Variants in MYH6 observed in about 807,000 individuals in gnomAD.
MYH6 encodes the protein myosin heavy chain 6, also known as myosin-6.
Under a neutral mutation model 223.2 loss-of-function variants are expected in MYH6, and 126 were observed. The ratio of observed to expected loss-of-function variants is 0.56; its 90% CI spans 0.49 to 0.65. The LOEUF (loss-of-function observed/expected upper bound fraction) is 0.65. MYH6 is among the 30% of genes least tolerant of loss of function. The pLI is 0.00. For synonymous variants in MYH6, 978 were observed against 1,010.2 expected (o/e 0.97, Z 0.61); for missense variants, 2,040 against 2,536.4 (o/e 0.80, Z 4.20).
chr14:23,390,003 G>A, intron 26 of MYH6, 54 bp downstream of exon 26: 1 of 1,613,272 alleles, frequency 6.2e-7, no homozygotes, highest in Non-Finnish European at 8.5e-7. Context: ...AGAAGGCATG[G>A]GGGAGGCTCC....
At position 23,397,078 on chromosome 14, in the gene MYH6, C is replaced by T. The variant is rs770861495; in HGVS notation, c.2053G>A (p.Val685Met). The T allele has an allele frequency of 6.2e-7, 1 of 1,614,224 alleles. No individual in the cohort carries two copies. Among genetic ancestry groups the T allele is most frequent in the Admixed American group, 1.7e-5 (1 of 60,036 alleles). ...TGCATGACCAGGGGGTTGTCCATCA[C>T]CCCTGTGTCAGGAGGGAAGGGGAAA... ...IIPNERKAPG[V>M]MDNPLVMHQL... The change falls in exon 18 of 39, where the codon GTG becomes ATG. Residue 685 changes from valine (V) to methionine (M), a missense_variant and splice_region_variant. Coordinates refer to ENST00000405093, the MANE Select transcript of MYH6 (RefSeq NM_002471.4).
Position 23,386,021 on chromosome 14 carries a change from C to T in MYH6, c.5070G>A (p.Leu1690=). The T allele has an allele frequency of 6.2e-7, 1 of 1,614,220 alleles. No individual in the cohort carries two copies. The highest frequency in any genetic ancestry group is 1.1e-5 in the South Asian group (1 of 91,088). Residue 1690 remains leucine (L), a synonymous_variant, in exon 34 of 39, where the codon CTG becomes CTA. Coordinates refer to ENST00000405093, the MANE Select transcript of MYH6 (RefSeq NM_002471.4). The part of the protein sequence containing the change: ...NNLLQAELEE[L]RAVVEQTERS... ...GCTCTGTCTGCTCCACCACGGCACGCAGCTCCTCCAGCTCAGCCTGCAGCA... is the reference window on the plus strand; with the variant it reads ...GCTCTGTCTGCTCCACCACGGCACGTAGCTCCTCCAGCTCAGCCTGCAGCA...
chr14:23,387,812 C>T lies in MYH6; in HGVS notation c.4471G>A (p.Glu1491Lys), dbSNP rs1314169075. 7.4e-6 allele frequency: 12 copies of T among 1,614,100 alleles called. No homozygotes were observed. Among genetic ancestry groups the T allele is most frequent in the South Asian group, 3.3e-5 (3 of 91,076 alleles). The change falls in exon 31 of 39, where the codon GAG (glutamate) becomes AAG (lysine). Residue 1491 changes from glutamate to lysine, a missense_variant. By Grantham distance (56) the Glu-to-Lys change is moderately conservative. Transcript: ENST00000405093. ...GTCTCTAGGTGCTCCAGGGACTCCT[C>T]GTAGGCGTTCTTGAGCTTGAAGAGC... ...TELFKLKNAY[E>K]ESLEHLETFK...
In MYH6 at chr14:23,398,759, A is replaced by G. The variant is rs562851085; in HGVS notation, c.1860T>C (p.Thr620=). 1.2e-6 allele frequency: 2 copies of G among 1,614,144 alleles called. No homozygotes were observed. Among genetic ancestry groups the G allele is most frequent in the Non-Finnish European group, 1.7e-6 (2 of 1,180,020 alleles). Residue 620 remains threonine (T), a synonymous_variant, in exon 15 of 39, where the codon ACT becomes ACC. Coordinates refer to ENST00000405093, the MANE Select transcript of MYH6 (RefSeq NM_002471.4). ...CGGCAGTTGCGTAGGAGGAGAAGAG[A>G]GTGGCCATGAGCTTGAGGGAGGACT... The part of the protein sequence containing the change: ...YQKSSLKLMA[T]LFSSYATADT...
intron 7 of MYH6, 62 bp downstream of exon 7, chr14:23,404,649 G>T (rs1891720779): frequency 1.3e-6 from 2 of 1,486,992 alleles, no homozygotes; most frequent in African/African-American, 2.8e-5. Flanking sequence ...GAGGGTTAGG[G>T]GTAACTCGGG....
intron 15 of MYH6, among the ~76,000 whole-genome samples, chr14:23,397,956 TTC>T (rs1566512483): frequency 7.2e-4 from 77 of 107,030 alleles, no homozygotes; most frequent in Middle Eastern, 8.2e-3. Flanking sequence ...CTTCTTCTTC[TTC>T]TTCTTCTTCT....
In MYH6 at chr14:23,390,001, T is replaced by G. The variant is rs1891181174; in HGVS notation, c.3732+56A>C. ...AGATGGCAGACAGAGAGAGAAGGCATGGGGGAGGCTCCGCTGTGCAGGGGA... is the reference window on the plus strand; with the variant it reads ...AGATGGCAGACAGAGAGAGAAGGCAGGGGGGAGGCTCCGCTGTGCAGGGGA... On this transcript the variant is annotated intron_variant, in intron 26 of 38. Transcript: ENST00000405093. 7 of 1,612,796 alleles carry G rather than the reference T, an allele frequency of 4.3e-6. No homozygotes were observed. The East Asian group carries it at 1.6e-4, about 36-fold the overall frequency.
At chr14:23,390,546 A>G in intron 25 of MYH6, 100 bp from the exon 26 acceptor site, 1 of 1,541,340 alleles carries the variant, frequency 6.5e-7, no homozygotes, top group Non-Finnish European at 8.7e-7. Context: ...CCTCTCAAGC[A>G]GTGGTTCTCA....
At chr14:23,396,546 A>G in intron 19 of MYH6, 126 bp from the exon 20 acceptor site, 6 of 1,568,500 alleles carry the variant, frequency 3.8e-6, no homozygotes, top group Non-Finnish European at 5.2e-6. Context: ...TAAAAATTTG[A>G]CAAACAAGAC....
At chr14:23,394,747 G>A (rs117445912) in intron 20 of MYH6, among the ~76,000 whole-genome samples, 5 of 152,236 alleles carry the variant, frequency 3.3e-5, no homozygotes, top group Non-Finnish European at 5.9e-5. Flanking sequence ...CTACCTGTGC[G>A]TTCCTTCCTA....
At position 23,385,808 on chromosome 14, in the gene MYH6, TAA is replaced by T. The variant is rs563926176; in HGVS notation, c.5163+118_5163+119del. ...CAGCCACCACAGATGAGAGTTGGCCTAAGAGAGGAAATGATTTGTGACCCTGG... is the reference window on the plus strand; with the variant it reads ...CAGCCACCACAGATGAGAGTTGGCCTGAGAGGAAATGATTTGTGACCCTGG... On this transcript the variant is annotated intron_variant, in intron 34 of 38. Transcript: ENST00000405093. 1.4e-4 allele frequency: 199 copies of T among 1,420,470 alleles called. No individual in the cohort carries two copies. In the African/African-American group the frequency reaches 2.5e-3, roughly 18 times the overall value. 88.0% of individuals were successfully genotyped at this position (1,420,470 alleles called of 1,614,324 possible).
Position 23,383,229 on chromosome 14 carries a change from TC to T in MYH6, c.5656del (p.Glu1886ArgfsTer?). 6.3e-7 allele frequency: 1 copy of T among 1,599,144 alleles called. No individual in the cohort carries two copies. The highest frequency in any genetic ancestry group is 8.5e-7 in the Non-Finnish European group (1 of 1,171,804). ...GGAAGAAAGCTCTGAACTCACCGCC[TC>T]CTCGGCCTGGCGCTTGTAGGCCTTG... is the stretch of plus-strand genomic sequence containing the variant. ...KVKAYKRQAE[E>X]AEEQANTNLS... On this transcript the variant is annotated frameshift_variant, in exon 37 of 39. Transcript: ENST00000405093. LOFTEE classifies it high-confidence loss of function.
chr14:23,398,418 G>T (rs1891495359), intron 15 of MYH6, among the ~76,000 whole-genome samples: 1 of 152,084 alleles, frequency 6.6e-6, no homozygotes, highest in African/African-American at 2.4e-5. Flanking sequence ...CTCAACATTT[G>T]TTGAGAACTC....
intron 33 of MYH6, 62 bp downstream of exon 33, chr14:23,386,253 C>A (rs1335111472): frequency 1.9e-6 from 3 of 1,613,496 alleles, no homozygotes; most frequent in South Asian, 2.2e-5. Context: ...TATCCAGACA[C>A]CACTGCTTCT....
rs1258339787 is a variant in MYH6, at chr14:23,390,038, G to A, written c.3732+19C>T. On this transcript the variant is annotated intron_variant, in intron 26 of 38. Coordinates refer to ENST00000405093, the MANE Select transcript of MYH6 (RefSeq NM_002471.4). ...CGCTGTGCAGGGGAGAGGGCGAGGG[G>A]AGGCCGAGCAGAGCCTGCCTTGGCC... 5 of 1,613,420 alleles carry A rather than the reference G, an allele frequency of 3.1e-6. No homozygotes were observed. The East Asian group carries it at 8.9e-5, about 29-fold the overall frequency.
At chr14:23,402,643 G>A (rs1308768049) in intron 11 of MYH6, 41 bp from the exon 12 acceptor site, 23 of 1,613,584 alleles carry the variant, frequency 1.4e-5, no homozygotes, top group Non-Finnish European at 1.9e-5. Flanking sequence ...TTGGAGCGGT[G>A]GCCCCAGGAG....
chr14:23,387,184 A>G (rs1442740891), intron 32 of MYH6, among the ~76,000 whole-genome samples: 1 of 152,198 alleles, frequency 6.6e-6, no homozygotes, highest in Non-Finnish European at 1.5e-5. Context: ...GATTTTGCCC[A>G]ACGCTGCAGT....
chr14:23,384,138 G>A (rs574516860), intron 36 of MYH6, among the ~76,000 whole-genome samples: 2 of 151,502 alleles, frequency 1.3e-5, no homozygotes, highest in East Asian at 3.9e-4. Flanking sequence ...GTCGAAGGTG[G>A]AAGGATTCTT....
Position 23,393,479 on chromosome 14 carries a change from T to C in MYH6, c.2968A>G (p.Ile990Val). ...LTEEMAGLDEIIAKLTKEKKA... is the reference protein window; with the variant it reads ...LTEEMAGLDEVIAKLTKEKKA... ...TTCTCCTTGGTCAGCTTAGCGATGA[T>C]TTCATCCAGCCCAGCCATCTCCTCT... Residue 990 changes from isoleucine (I) to valine (V), a missense_variant, in exon 23 of 39, where the codon ATC (isoleucine) becomes GTC (valine). Around this residue, in one of 4 missense-constraint regions of MYH6, gnomAD observed 1,203 missense variants for 1,400.2 expected, o/e 0.86. Coordinates refer to ENST00000405093, the MANE Select transcript of MYH6 (RefSeq NM_002471.4). 1 of 1,614,152 alleles carries C rather than the reference T, an allele frequency of 6.2e-7. No individual in the cohort carries two copies. The highest frequency in any genetic ancestry group is 8.5e-7 in the Non-Finnish European group (1 of 1,180,026).
Sources: gnomAD v4.1 joint callset for allele counts (sites outside exome capture counted in the v4.1 genomes callset) on GRCh38, gnomAD v4.1.1 for gene constraint, gnomAD v4.1.1 regional missense constraint, MANE v1.5 for transcripts, NCBI Gene and HGNC (gene_info 2026-07-23, HGNC 2026-07-21) for gene names.